Variants in NLGN1 observed in about 807,000 individuals in gnomAD.
NLGN1 encodes neuroligin 1.
A neutral mutation model predicts 65.5 loss-of-function variants in NLGN1; 12 were observed. That is an observed-to-expected ratio of 0.18 (90% confidence interval 0.12 to 0.30). NLGN1 has a LOEUF of 0.30. Ranked by LOEUF, NLGN1 falls within the 10% of genes least tolerant of loss-of-function variation. The pLI is 1.00. For missense variants in NLGN1, 750 were observed against 1,007.1 expected, an observed-to-expected ratio of 0.74 and a Z score of 3.46; for synonymous variants, 350 against 359.5, an observed-to-expected ratio of 0.97 and a Z score of 0.30.
intron 2 of NLGN1, among the ~76,000 whole-genome samples, chr3:173,526,685 A>G (rs1471893571): frequency 6.6e-6 from 1 of 152,198 alleles, no homozygotes; most frequent in Non-Finnish European, 1.5e-5. Flanking sequence ...GTTAGAAAAT[A>G]TTAGGTCTTA....
At chr3:173,611,286 A>G (rs1171360023) in intron 3 of NLGN1, among the ~76,000 whole-genome samples, 1 of 152,044 alleles carries the variant, frequency 6.6e-6, no homozygotes, top group Non-Finnish European at 1.5e-5. Context: ...GTCACTTTCC[A>G]GATGTAGAAA....
chr3:174,070,606 A>G (rs1450064429), intron 4 of NLGN1, among the ~76,000 whole-genome samples: 2 of 152,184 alleles, frequency 1.3e-5, no homozygotes, highest in African/African-American at 4.8e-5. Context: ...TTGGGATTAC[A>G]GGTGTGAGCC....
At chr3:173,833,647 T>C (rs896434865) in intron 4 of NLGN1, among the ~76,000 whole-genome samples, 1 of 152,036 alleles carries the variant, frequency 6.6e-6, no homozygotes, top group African/African-American at 2.4e-5. Context: ...AGCCCCCCAG[T>C]GGCTGGGTCT....
intron 4 of NLGN1, among the ~76,000 whole-genome samples, chr3:173,933,107 AGTGAAGT>A (rs1300101398): frequency 2.0e-5 from 3 of 152,276 alleles, no homozygotes; most frequent in Non-Finnish European, 4.4e-5. Flanking sequence ...GAGAGGCCTC[AGTGAAGT>A]GTGAAAAATG....
chr3:173,802,847 T>C (rs942078285), intron 3 of NLGN1, among the ~76,000 whole-genome samples: 15 of 151,304 alleles, frequency 9.9e-5, no homozygotes, highest in Admixed American at 7.2e-4. Context: ...TGTATATCTT[T>C]TTTTTTTTTT....
intron 2 of NLGN1, among the ~76,000 whole-genome samples, chr3:173,562,142 C>T (rs1742838310): frequency 6.6e-6 from 1 of 152,184 alleles, no homozygotes; most frequent in Non-Finnish European, 1.5e-5. Context: ...GAATGAAAGG[C>T]AGCACGTTTG....
chr3:173,762,548 G>A (rs769034770), intron 3 of NLGN1, among the ~76,000 whole-genome samples: 3 of 151,934 alleles, frequency 2.0e-5, no homozygotes, highest in Admixed American at 6.6e-5. Context: ...GGGAAATAAT[G>A]TACTTCCAAC....
chr3:174,265,912 A>ATGTATATATGTATATATG (rs1330322570), intron 4 of NLGN1, among the ~76,000 whole-genome samples: 1 of 95,686 alleles, frequency 1.0e-5, no homozygotes, highest in Non-Finnish European at 2.4e-5. Flanking sequence ...ATGTGTATAT[A>ATGTATATATGTATATATG]TGTATATATG....
At chr3:174,005,327 C>T (rs764555975) in intron 4 of NLGN1, among the ~76,000 whole-genome samples, 1 of 152,092 alleles carries the variant, frequency 6.6e-6, no homozygotes, top group Non-Finnish European at 1.5e-5. Context: ...TTAAGTGTTA[C>T]TAATTGGAAA....
At chr3:173,604,527 CAGTCTTT>C (rs1272894382) in exon 3 of NLGN1, 16 of 1,510,608 alleles carry the variant, frequency 1.1e-5, no homozygotes, top group Non-Finnish European at 1.4e-5. Context: ...TACCATTATA[CAGTCTTT>C]CTCAAGTGGA....
At chr3:174,185,294 C>T (rs970172126) in intron 4 of NLGN1, among the ~76,000 whole-genome samples, 5 of 152,100 alleles carry the variant, frequency 3.3e-5, no homozygotes, top group African/African-American at 4.8e-5. Context: ...TCCTCCTCAT[C>T]CCACACATTG....
chr3:173,555,443 T>C (rs897827864), intron 2 of NLGN1, among the ~76,000 whole-genome samples: 12 of 152,178 alleles, frequency 7.9e-5, no homozygotes, highest in African/African-American at 2.9e-4. Flanking sequence ...TTATCTATTT[T>C]TCTTACATGT....
chr3:173,566,730 G>A (rs184637974), intron 2 of NLGN1, among the ~76,000 whole-genome samples: 2 of 152,034 alleles, frequency 1.3e-5, no homozygotes, highest in East Asian at 1.9e-4. Flanking sequence ...TTATTTTTGT[G>A]TACATCTTCA....
intron 4 of NLGN1, among the ~76,000 whole-genome samples, chr3:174,270,105 C>A (rs1413163040): frequency 7.1e-6 from 1 of 141,208 alleles, no homozygotes; most frequent in African/African-American, 2.6e-5. Context: ...TTGTTTTCTC[C>A]CATTCTGTTG....
At chr3:173,924,822 A>G (rs1742723766) in intron 4 of NLGN1, among the ~76,000 whole-genome samples, 1 of 152,128 alleles carries the variant, frequency 6.6e-6, no homozygotes, top group African/African-American at 2.4e-5. Context: ...TATATAAACC[A>G]CTAACTTGAA....
At chr3:174,012,495 C>A (rs1725759783) in intron 4 of NLGN1, among the ~76,000 whole-genome samples, 1 of 152,104 alleles carries the variant, frequency 6.6e-6, no homozygotes, top group Non-Finnish European at 1.5e-5. Context: ...AATAAAGCAT[C>A]CTCTATCATT....
At chr3:174,089,276 G>T (rs952375453) in intron 4 of NLGN1, among the ~76,000 whole-genome samples, 14 of 152,068 alleles carry the variant, frequency 9.2e-5, no homozygotes, top group African/African-American at 3.4e-4. Context: ...CCTGTCTTGG[G>T]TACTATCTGC....
intron 4 of NLGN1, among the ~76,000 whole-genome samples, chr3:174,262,780 G>T: frequency 1.2e-5 from 1 of 81,524 alleles, no homozygotes; most frequent in African/African-American, 5.1e-5. Flanking sequence ...TGATGTTAGG[G>T]TGTCAATTTT....
intron 4 of NLGN1, among the ~76,000 whole-genome samples, chr3:174,170,530 T>C (rs1728323778): frequency 6.6e-6 from 1 of 152,198 alleles, no homozygotes; most frequent in Non-Finnish European, 1.5e-5. Flanking sequence ...TAAATTGTTT[T>C]AGTCTTAATG....
Sources: allele counts gnomAD v4.1 joint callset (sites outside exome capture counted in the v4.1 genomes callset), GRCh38; gene constraint gnomAD v4.1.1; transcripts MANE v1.5; gene names NCBI Gene and HGNC (gene_info 2026-07-23, HGNC 2026-07-21).